Variants in NLGN4X observed in about 807,000 individuals in gnomAD.
The protein encoded by NLGN4X is neuroligin-4, X-linked.
A neutral mutation model predicts 40.3 loss-of-function variants in NLGN4X; 3 were observed. That is an observed-to-expected ratio of 0.07 (90% CI 0.03 to 0.19). The LOEUF is 0.19. NLGN4X is among the 10% of genes least tolerant of loss of function. The pLI is 1.00. For synonymous variants in NLGN4X, 270 were observed against 306.8 expected (o/e 0.88, Z 1.25); for missense variants, 382 against 708.3 (o/e 0.54, Z 5.23).
chrX:6,082,723 G>C (rs2038380514), intron 2 of NLGN4X, among the ~76,000 whole-genome samples: 1 of 109,943 alleles, frequency 9.1e-6, no homozygotes, highest in African/African-American at 3.3e-5. Context: ...GGAAGTCATC[G>C]AGATACAACT....
At chrX:6,180,629 G>A (rs967445425) in intron 1 of NLGN4X, among the ~76,000 whole-genome samples, 22 of 111,310 alleles carry the variant, frequency 2.0e-4, no homozygotes, top group African/African-American at 7.2e-4. Flanking sequence ...TTCAACGTTC[G>A]AGTGTAATGC....
intron 3 of NLGN4X, among the ~76,000 whole-genome samples, chrX:6,002,010 T>C (rs1238898874): frequency 9.0e-6 from 1 of 111,373 alleles, no homozygotes; most frequent in African/African-American, 3.3e-5. Context: ...TCTCTTTAAT[T>C]CCCATGTTAG....
Position 6,033,039 on chromosome X carries a change from CAA to C in NLGN4X, c.473-3609_473-3608del, listed in dbSNP as rs58234880. 7.8e-3 allele frequency among the ~76,000 whole-genome samples: 821 copies of C among 105,054 alleles called. 4 individuals carry two copies. The highest frequency in any genetic ancestry group is 0.024 in the African/African-American group (702 of 29,002). The allele number at this position is 105,054 out of a possible 115,157, so 91.2% of individuals were successfully genotyped here. ...GTTGGGGGTTAAAATGATGCTACTG[CAA>C]AAAAAAAAATGCTAACGTGAGTTGT... On this transcript the variant is annotated intron_variant, in intron 2 of 5. Coordinates refer to ENST00000381095, the MANE Select transcript of NLGN4X (RefSeq NM_181332.3).
intron 2 of NLGN4X, among the ~76,000 whole-genome samples, chrX:6,088,089 T>G (rs929525023): frequency 1.8e-5 from 2 of 112,691 alleles, no homozygotes; most frequent in Non-Finnish European, 3.7e-5. Flanking sequence ...AAGCCAAATT[T>G]TGCAAATCCA....
chrX:5,994,126 A>G (rs1029983771), intron 3 of NLGN4X, among the ~76,000 whole-genome samples: 1 of 111,801 alleles, frequency 8.9e-6, no homozygotes, highest in African/African-American at 3.3e-5. Context: ...CTTTCCCAGG[A>G]AAGGAAAGTG....
intron 3 of NLGN4X, among the ~76,000 whole-genome samples, chrX:6,022,837 C>A (rs1035058222): frequency 1.8e-5 from 2 of 111,719 alleles, no homozygotes; most frequent in Non-Finnish European, 3.8e-5. Context: ...GGGAAAGTGA[C>A]CACATTATTA....
At chrX:5,903,961 A>G in intron 4 of NLGN4X, 95 bp from the exon 5 acceptor site, 1 of 1,075,613 alleles carries the variant, frequency 9.3e-7, no homozygotes, top group Non-Finnish European at 1.3e-6. Context: ...TCTCTCAGGC[A>G]TGTGAGTTTC....
chrX:6,221,656 T>C (rs5916350), intron 1 of NLGN4X, among the ~76,000 whole-genome samples: 32,412 of 108,186 alleles, frequency 0.3, 4,113 homozygotes, highest in Non-Finnish European at 0.39. Flanking sequence ...CTTTTGTGAG[T>C]TTCCCCACCT....
intron 2 of NLGN4X, among the ~76,000 whole-genome samples, chrX:6,061,436 AAGT>A (rs1281052994): frequency 9.0e-6 from 1 of 111,456 alleles, no homozygotes; most frequent in Non-Finnish European, 1.9e-5. Context: ...TTAAAAAAAA[AAGT>A]GTGTCTATAT....
At chrX:5,978,839 C>T (rs1201401622) in intron 3 of NLGN4X, among the ~76,000 whole-genome samples, 3 of 111,637 alleles carry the variant, frequency 2.7e-5, no homozygotes, top group African/African-American at 9.8e-5. Flanking sequence ...GGCGTGGTGG[C>T]ATGCACCTGT....
chrX:6,062,407 A>G (rs1489589066), intron 2 of NLGN4X, among the ~76,000 whole-genome samples: 1 of 111,865 alleles, frequency 8.9e-6, no homozygotes, highest in Non-Finnish European at 1.9e-5. Context: ...CAGCTAAGCA[A>G]AGTGCTCCTT....
intron 3 of NLGN4X, among the ~76,000 whole-genome samples, chrX:5,946,063 CTA>C (rs1465400887): frequency 3.6e-5 from 4 of 111,626 alleles, no homozygotes; most frequent in African/African-American, 1.3e-4. Flanking sequence ...CAGTATTACT[CTA>C]TACCTGGGTT....
At chrX:6,156,549 C>A (rs770098107) in intron 1 of NLGN4X, among the ~76,000 whole-genome samples, 17 of 112,094 alleles carry the variant, frequency 1.5e-4, no homozygotes, top group African/African-American at 5.5e-4. Context: ...CAAATGAAAT[C>A]ATGTCCTTTG....
intron 2 of NLGN4X, among the ~76,000 whole-genome samples, chrX:6,126,488 G>T (rs1012870073): frequency 7.2e-5 from 8 of 111,280 alleles, no homozygotes; most frequent in Non-Finnish European, 1.5e-4. Context: ...AAATAATAGG[G>T]AATCAAAAAA....
intron 2 of NLGN4X, among the ~76,000 whole-genome samples, chrX:6,049,981 G>GAAT (rs780608681): frequency 1.0e-3 from 116 of 111,407 alleles, no homozygotes; most frequent in Non-Finnish European, 1.8e-3. Context: ...GCAATGGAAT[G>GAAT]AATCCTTTCA....
chrX:5,990,077 CCTCTCTCT>C lies in NLGN4X; in HGVS notation c.625+39195_625+39202del, dbSNP rs71839664. On this transcript the variant is annotated intron_variant, in intron 3 of 5. Coordinates refer to ENST00000381095, the MANE Select transcript of NLGN4X (RefSeq NM_181332.3). ...GATTACATATCTCTGTCTCTATTTT[CCTCTCTCT>C]CTCTCTCTCTCTCTCTCTCTCTCTC... Among the ~76,000 whole-genome samples, 137 of 83,562 alleles carry C rather than the reference CCTCTCTCT, an allele frequency of 1.6e-3. 2 individuals carry two copies. Among genetic ancestry groups the C allele is most frequent in the East Asian group, 5.2e-3 (13 of 2,498 alleles). The allele number at this position is 83,562 out of a possible 115,157, so 72.6% of individuals were successfully genotyped here.
At chrX:6,225,275 C>T (rs1223924042) in intron 1 of NLGN4X, among the ~76,000 whole-genome samples, 1 of 107,942 alleles carries the variant, frequency 9.3e-6, no homozygotes, top group African/African-American at 3.4e-5. Context: ...TAACATTTTG[C>T]TCATTTCCAC....
rs192010799 is a variant in NLGN4X, at chrX:6,097,974, T to A, written c.472+53021A>T. On this transcript the variant is annotated intron_variant, in intron 2 of 5. Coordinates refer to ENST00000381095, the MANE Select transcript of NLGN4X (RefSeq NM_181332.3). ...ATAAATGAATAATGCTCAACTGAAA[T>A]ATGAGAAGAAAATAAACCAATTAAA... 1.8e-3 allele frequency among the ~76,000 whole-genome samples: 205 copies of A among 111,331 alleles called. 2 individuals carry two copies. The highest frequency in any genetic ancestry group is 6.4e-3 in the African/African-American group (195 of 30,598).
intron 1 of NLGN4X, among the ~76,000 whole-genome samples, chrX:6,180,346 TAGTG>T (rs1371030729): frequency 1.8e-5 from 2 of 111,002 alleles, no homozygotes; most frequent in Admixed American, 9.7e-5. Flanking sequence ...TGGTACTGTA[TAGTG>T]AGTGAGTTCT....
Sources: allele counts gnomAD v4.1 joint callset (sites outside exome capture counted in the v4.1 genomes callset), GRCh38; gene constraint gnomAD v4.1.1; transcripts MANE v1.5; gene names NCBI Gene and HGNC (gene_info 2026-07-23, HGNC 2026-07-21).